H3-7: variants seen among roughly 807,000 people sequenced by gnomAD.
The protein encoded by H3-7 is histone H3-7.
the H3-7 span, chr1:143,904,332 G>T: frequency 2.5e-6 from 4 of 1,582,474 alleles, 1 homozygote; most frequent in Non-Finnish European, 3.5e-6. Context: ...CTCGCGGGAC[G>T]TGATGGTGGA....
At chr1:143,904,366 G>A in the H3-7 span, 25 of 1,582,648 alleles carry the variant, frequency 1.6e-5, 2 homozygotes, top group South Asian at 3.4e-5. Context: ...TGCGCCAGGC[G>A]GGACGCCTCT....
chr1:143,904,380 G>A, the H3-7 span: 5 of 1,582,696 alleles, frequency 3.2e-6, 1 homozygote, highest in Admixed American at 3.4e-5. Flanking sequence ...CGCCTCTCCC[G>A]CGATGCGCTC....
At chr1:143,904,611 C>T in the H3-7 span, 6 of 1,580,508 alleles carry the variant, frequency 3.8e-6, 1 homozygote, top group East Asian at 6.8e-5. Context: ...CATTTTTGCG[C>T]GAAAAAAGAG....
At chr1:143,904,789 C>T in the H3-7 span, 5 of 605,084 alleles carry the variant, frequency 8.3e-6, no homozygotes, top group South Asian at 1.0e-4. Context: ...AGATTCTAGT[C>T]TTGCTTCCTT....
the H3-7 span, among the ~76,000 whole-genome samples, chr1:143,902,762 G>T: frequency 2.8e-5 from 4 of 141,830 alleles, no homozygotes; most frequent in Non-Finnish European, 4.7e-5. Flanking sequence ...CACACCCACA[G>T]GTCGATTAAC....
At chr1:143,903,235 G>C in the H3-7 span, among the ~76,000 whole-genome samples, 2 of 122,936 alleles carry the variant, frequency 1.6e-5, no homozygotes, top group African/African-American at 6.1e-5. Flanking sequence ...TCTTATAATT[G>C]GGAAAGTTTG....
the H3-7 span, chr1:143,905,688 C>T: frequency 2.5e-6 from 4 of 1,582,870 alleles, no homozygotes; most frequent in African/African-American, 4.0e-5. Context: ...TGGCCTCCTG[C>T]AGCGCCATCA....
the H3-7 span, chr1:143,904,663 G>C: frequency 9.2e-5 from 141 of 1,534,152 alleles, 6 homozygotes; most frequent in Non-Finnish European, 1.1e-4. Context: ...CGCAAAACGG[G>C]CTGGTTATGC....
chr1:143,904,570 T>G, the H3-7 span: 5 of 1,604,220 alleles, frequency 3.1e-6, no homozygotes, highest in Non-Finnish European at 4.3e-6. Context: ...GAGCCCTTCT[T>G]GGGAGCAGGA....
the H3-7 span, chr1:143,904,085 C>A: frequency 1.5e-6 from 1 of 680,278 alleles, no homozygotes; most frequent in South Asian, 1.9e-5. Flanking sequence ...CATCCGTGAC[C>A]ATGGTAACAC....
chr1:143,905,579 G>A, the H3-7 span: 13 of 1,581,508 alleles, frequency 8.2e-6, 2 homozygotes, highest in East Asian at 6.8e-5. Flanking sequence ...CCGCGGATGC[G>A]GCTGACCAAC....
the H3-7 span, chr1:143,904,168 TCTG>T: frequency 7.6e-7 from 1 of 1,309,898 alleles, no homozygotes; most frequent in African/African-American, 1.4e-5. Flanking sequence ...CTGAAGTGGC[TCTG>T]AAAAGAGCCT....
chr1:143,904,459 C>T, the H3-7 span: 9 of 1,593,966 alleles, frequency 5.6e-6, no homozygotes, highest in Admixed American at 3.4e-5. Context: ...TCGGGGTGGA[C>T]CTGCTTCAGC....
At chr1:143,904,328 G>C in the H3-7 span, 27 of 1,582,570 alleles carry the variant, frequency 1.7e-5, 4 homozygotes, top group Non-Finnish European at 2.2e-5. Context: ...GGATCTCGCG[G>C]GACGTGATGG....
chr1:143,904,391 G>C, the H3-7 span: 3 of 1,582,798 alleles, frequency 1.9e-6, no homozygotes, highest in African/African-American at 1.3e-5. Flanking sequence ...CGATGCGCTC[G>C]AAGATGTCGT....
the H3-7 span, among the ~76,000 whole-genome samples, chr1:143,903,911 C>T: frequency 6.9e-6 from 1 of 145,204 alleles, no homozygotes; most frequent in African/African-American, 2.5e-5. Context: ...TGTAGAACCA[C>T]CCCCCGCCTC....
At chr1:143,903,191 C>CAAA in the H3-7 span, among the ~76,000 whole-genome samples, 1 of 60,386 alleles carries the variant, frequency 1.7e-5, no homozygotes, top group African/African-American at 5.4e-5. Flanking sequence ...GACTCCGTCT[C>CAAA]AAAAAAAAAA....
At chr1:143,903,893 T>C in the H3-7 span, among the ~76,000 whole-genome samples, 6 of 144,312 alleles carry the variant, frequency 4.2e-5, no homozygotes, top group East Asian at 6.2e-4. Context: ...GGTTAAAGGC[T>C]GAAGGGGTGT....
the H3-7 span, chr1:143,904,556 T>TA: frequency 1.2e-6 from 2 of 1,605,742 alleles, no homozygotes; most frequent in Middle Eastern, 1.7e-4. Context: ...TAACAGCCTT[T>TA]TTGGAGCCCT....
Sources: allele counts gnomAD v4.1 joint callset (sites outside exome capture counted in the v4.1 genomes callset), GRCh38; gene constraint gnomAD v4.1.1; transcripts MANE v1.5; gene names NCBI Gene and HGNC (gene_info 2026-07-23, HGNC 2026-07-21).